Variants in ANKS3 observed in about 807,000 individuals in gnomAD.
The protein encoded by ANKS3 is ankyrin repeat and sterile alpha motif domain containing 3.
In ANKS3, 62 loss-of-function variants were observed where a neutral mutation model predicts 80.7. That is an observed-to-expected ratio of 0.77 (90% CI 0.63 to 0.95). ANKS3 has a LOEUF of 0.95. ANKS3 is among the 40% of genes least tolerant of loss of function. The pLI is 0.00. For synonymous variants in ANKS3, 489 were observed against 355.3 expected, an observed-to-expected ratio of 1.38 and a Z score of -4.23; for missense variants, 1,150 against 883.6, an observed-to-expected ratio of 1.30 and a Z score of -3.82.
chr16:4,732,260 G>A (rs576089425), intron 1 of ANKS3, among the ~76,000 whole-genome samples: 3 of 152,186 alleles, frequency 2.0e-5, no homozygotes, highest in East Asian at 1.9e-4. Flanking sequence ...CCTGGCCAAC[G>A]AAGCCTGGAT....
intron 6 of ANKS3, 125 bp downstream of exon 6, chr16:4,724,625 T>A (rs1031114543): frequency 2.2e-6 from 2 of 914,096 alleles, no homozygotes; most frequent in Non-Finnish European, 3.3e-6. Context: ...ATAATGAAAA[T>A]GTGTTGAATA....
At chr16:4,708,820 T>G (rs1324750598) in intron 7 of ANKS3, among the ~76,000 whole-genome samples, 1 of 151,534 alleles carries the variant, frequency 6.6e-6, no homozygotes, top group Non-Finnish European at 1.5e-5. Flanking sequence ...CACCCTGTAG[T>G]CCCAGCTACT....
At chr16:4,722,929 C>CAA (rs969402269) in intron 6 of ANKS3, among the ~76,000 whole-genome samples, 6 of 91,870 alleles carry the variant, frequency 6.5e-5, no homozygotes, top group Middle Eastern at 6.3e-3. Flanking sequence ...CTTCTGTCTC[C>CAA]AAAAAAAAAA....
At chr16:4,721,615 T>C (rs1343282621) in intron 6 of ANKS3, among the ~76,000 whole-genome samples, 2 of 88,904 alleles carry the variant, frequency 2.2e-5, no homozygotes, top group African/African-American at 5.9e-5. Context: ...CATCTCTTTA[T>C]TGATTTATTG....
intron 8 of ANKS3, among the ~76,000 whole-genome samples, chr16:4,703,421 A>G (rs891713504): frequency 7.6e-6 from 1 of 131,624 alleles, no homozygotes; most frequent in African/African-American, 2.9e-5. Flanking sequence ...GGCCCCCCCA[A>G]TTTTTTTTTT....
At chr16:4,714,017 A>G (rs1327729531) in intron 7 of ANKS3, 34 bp downstream of exon 7, 3 of 1,607,990 alleles carry the variant, frequency 1.9e-6, no homozygotes, top group Non-Finnish European at 2.5e-6. Context: ...GCAACCAGAG[A>G]CCCCAGCAGG....
rs781408628 is a variant in ANKS3, at chr16:4,697,384, T to G, written c.1843A>C (p.Met615Leu). 6.2e-7 allele frequency: 1 copy of G among 1,610,162 alleles called. No individual in the cohort carries two copies. Among genetic ancestry groups the G allele is most frequent in the South Asian group, 1.1e-5 (1 of 90,952 alleles). Reference sequence around the variant, plus strand: ...GCTCCCGAGAGCTCGGGGAGGCTCATGGCCTGCAGGGACGCTTGCCAGCCC... The same window carrying G: ...GCTCCCGAGAGCTCGGGGAGGCTCAGGGCCTGCAGGGACGCTTGCCAGCCC... ...SKGWQASLQA[M>L]SLPELSGALE... The change falls in exon 16 of 18, where the codon ATG (methionine) becomes CTG (leucine). Residue 615 changes from methionine (M) to leucine (L), a missense_variant. Coordinates refer to ENST00000304283, the MANE Select transcript of ANKS3 (RefSeq NM_133450.4).
chr16:4,730,352 C>T (rs1447995447), intron 2 of ANKS3: 6 of 421,734 alleles, frequency 1.4e-5, no homozygotes, highest in Non-Finnish European at 1.6e-5. Context: ...TCTGGTGAGC[C>T]TGCTATCACA....
intron 12 of ANKS3, 26 bp downstream of exon 12, chr16:4,699,026 G>A (rs373370187): frequency 1.1e-5 from 17 of 1,614,054 alleles, no homozygotes; most frequent in African/African-American, 9.3e-5. Context: ...CCGGGCTGAG[G>A]GCCAGAGCGG....
At chr16:4,714,290 T>C in intron 6 of ANKS3, 104 bp from the exon 7 acceptor site, 1 of 1,481,914 alleles carries the variant, frequency 6.7e-7, no homozygotes, top group Non-Finnish European at 9.2e-7. Flanking sequence ...GGTTTCTGAC[T>C]GCCTCCCTGT....
chr16:4,722,992 T>C (rs859297), intron 6 of ANKS3, among the ~76,000 whole-genome samples: 84,748 of 151,492 alleles, frequency 0.56, 23,897 homozygotes, highest in East Asian at 0.67. Flanking sequence ...AATGAGACGC[T>C]ACAATTCACC....
intron 7 of ANKS3, 181 bp downstream of exon 7, chr16:4,713,870 C>T: frequency 1.2e-6 from 1 of 845,854 alleles, no homozygotes; most frequent in African/African-American, 1.7e-5. Flanking sequence ...CCATCGTAAC[C>T]ATCCTTATCT....
At chr16:4,714,924 G>A (rs944507300) in intron 6 of ANKS3, among the ~76,000 whole-genome samples, 1 of 147,384 alleles carries the variant, frequency 6.8e-6, no homozygotes, top group Non-Finnish European at 1.5e-5. Context: ...CCCGGGAAGC[G>A]GAGGCTGCAG....
chr16:4,706,380 G>T (rs546073411), intron 7 of ANKS3, among the ~76,000 whole-genome samples: 8 of 149,794 alleles, frequency 5.3e-5, no homozygotes, highest in Non-Finnish European at 8.8e-5. Flanking sequence ...ACAGGCACCC[G>T]GCCACCATGC....
At chr16:4,701,299 C>A in intron 10 of ANKS3, 135 bp downstream of exon 10, 1 of 1,347,938 alleles carries the variant, frequency 7.4e-7, no homozygotes, top group East Asian at 2.4e-5. Flanking sequence ...AGACCCTGGA[C>A]ACAGCACGTC....
intron 3 of ANKS3, 196 bp from the exon 4 acceptor site, chr16:4,727,373 C>G: frequency 1.6e-6 from 1 of 623,526 alleles, no homozygotes. Flanking sequence ...TTGTGAGGCC[C>G]TGAGCCTTCG....
rs573376043 is a variant in ANKS3 at position 4,702,106 on chromosome 16, ACTG to A, written c.1002_1004del (p.Ser335del). ...GATGGGTGGGGGTGCACGTACCCCG[ACTG>A]CTGCTGCTGCTGCTGCTCTCCACAT... On this transcript the variant is annotated inframe_deletion, in exon 9 of 18. Transcript: ENST00000304283. The A allele has an allele frequency of 0.022, 33,617 of 1,505,794 alleles. 421 individuals are homozygous for A. Among genetic ancestry groups the A allele is most frequent in the Non-Finnish European group, 0.026 (29,030 of 1,112,056 alleles). The allele number at this position is 1,505,794 out of a possible 1,614,324, so 93.3% of individuals were successfully genotyped here.
At chr16:4,698,728 A>T in intron 13 of ANKS3, 72 bp downstream of exon 13, 1 of 1,551,512 alleles carries the variant, frequency 6.4e-7, no homozygotes, top group Non-Finnish European at 8.7e-7. Flanking sequence ...CACAGCACCC[A>T]CCTTTTCTGT....
At chr16:4,711,145 C>G (rs2080463165) in intron 7 of ANKS3, among the ~76,000 whole-genome samples, 1 of 137,984 alleles carries the variant, frequency 7.2e-6, no homozygotes, top group Non-Finnish European at 1.5e-5. Context: ...CTCTTGTTGC[C>G]TAGGCTGGAC....
Sources: gnomAD v4.1 joint callset for allele counts (sites outside exome capture counted in the v4.1 genomes callset) on GRCh38, gnomAD v4.1.1 for gene constraint, MANE v1.5 for transcripts, NCBI Gene and HGNC (gene_info 2026-07-23, HGNC 2026-07-21) for gene names.